Variants in LRP12 observed in about 807,000 individuals in gnomAD.
The protein encoded by LRP12 is LDL receptor related protein 12.
In LRP12, 14 loss-of-function variants were observed where a neutral mutation model predicts 66.0. That is an observed-to-expected ratio of 0.21 (90% CI 0.14 to 0.33). The LOEUF (loss-of-function observed/expected upper bound fraction) is 0.33. Ranked by LOEUF, LRP12 falls within the 10% of genes least tolerant of loss-of-function variation. The pLI, the probability that LRP12 is intolerant of heterozygous loss-of-function variation, is 1.00. For synonymous variants in LRP12, 357 were observed against 359.1 expected (o/e 0.99, Z 0.07); for missense variants, 889 against 1,053.4 (o/e 0.84, Z 2.16).
Position 104,588,827 on chromosome 8 carries a change from C to G in LRP12, c.71G>C (p.Gly24Ala), listed in dbSNP as rs1342668049. 4 of 1,612,584 alleles carry G rather than the reference C, an allele frequency of 2.5e-6. No individual in the cohort carries two copies. The Admixed American group carries it at 6.7e-5, about 27-fold the overall frequency. The change falls in exon 1 of 7, where the codon GGG (glycine) becomes GCG (alanine). Residue 24 changes from glycine to alanine, a missense_variant. By Grantham distance (60) the Gly-to-Ala change is moderately conservative. Transcript: ENST00000276654. ...RSALLLLFLAGVYGNGALAEH... is the reference protein window; with the variant it reads ...RSALLLLFLAAVYGNGALAEH... The stretch of plus-strand genomic sequence containing the variant: ...GGGACGCGGACACTTACCGTACACC[C>G]CAGCGAGGAAAAGCAAGAGCAACGC...
At chr8:104,529,416 A>C (rs554803075) in intron 2 of LRP12, among the ~76,000 whole-genome samples, 4 of 152,302 alleles carry the variant, frequency 2.6e-5, no homozygotes, top group Admixed American at 1.3e-4. Context: ...CATATTTCTA[A>C]ATGTGTATCT....
chr8:104,502,203 A>G (rs775530208), intron 3 of LRP12, among the ~76,000 whole-genome samples: 2 of 152,120 alleles, frequency 1.3e-5, no homozygotes, highest in Non-Finnish European at 2.9e-5. Context: ...CTTTACTTGT[A>G]AAGTATGACA....
intron 2 of LRP12, among the ~76,000 whole-genome samples, chr8:104,514,144 C>T (rs1811040086): frequency 6.6e-6 from 1 of 152,216 alleles, no homozygotes; most frequent in East Asian, 1.9e-4. Flanking sequence ...AGCCTGCCTT[C>T]ACCACTTCTT....
chr8:104,499,464 T>A lies in LRP12; in HGVS notation c.328A>T (p.Ile110Leu), dbSNP rs1319086854. Residue 110 changes from isoleucine to leucine, a missense_variant, in exon 4 of 7, where the codon ATA (isoleucine) becomes TTA (leucine). Coordinates refer to ENST00000276654, the MANE Select transcript of LRP12 (RefSeq NM_013437.5). ...SRRCNLDWLT[I>L]ETYKNIESYR... is the part of the protein sequence containing the mutation. ...CTTTCAATATTCTTGTATGTTTCTA[T>A]TGTCAACCAGTCCAAATTGCACCTT... is the stretch of plus-strand genomic sequence containing the variant. 1 of 1,613,658 alleles carries A rather than the reference T, an allele frequency of 6.2e-7. No individual in the cohort carries two copies. The highest frequency in any genetic ancestry group is 1.3e-5 in the African/African-American group (1 of 74,886).
At position 104,497,935 on chromosome 8, in the gene LRP12, G is replaced by T; in HGVS notation, c.617C>A (p.Pro206His). Residue 206 changes from proline (P) to histidine (H), a missense_variant, in exon 5 of 7, where the codon CCT becomes CAT. This residue lies in a region of LRP12 where 800 missense variants were observed against 964.5 expected (regional missense o/e 0.83). Coordinates refer to ENST00000276654, the MANE Select transcript of LRP12 (RefSeq NM_013437.5). The surrounding 1 kb of genome is among the most constrained non-coding windows in gnomAD (Gnocchi z 4.3). ...DEEICAKEANPPTAAAFQPCA... is the reference protein window; with the variant it reads ...DEEICAKEANHPTAAAFQPCA... ...GGGTTGAAAAGCAGCAGCAGTTGGA[G>T]GATTTGCTTCTTTGGCACAGATCTC... is the stretch of plus-strand genomic sequence containing the variant. 1 of 1,614,142 alleles carries T rather than the reference G, an allele frequency of 6.2e-7. No individual in the cohort carries two copies. Among genetic ancestry groups the T allele is most frequent in the Non-Finnish European group, 8.5e-7 (1 of 1,180,028 alleles).
chr8:104,548,356 A>C, intron 1 of LRP12, among the ~76,000 whole-genome samples: 1 of 56,628 alleles, frequency 1.8e-5, no homozygotes, highest in African/African-American at 1.0e-4. Flanking sequence ...AATATATAAT[A>C]TATATTATAT....
intron 1 of LRP12, among the ~76,000 whole-genome samples, chr8:104,550,279 T>G (rs1386764253): frequency 1.3e-5 from 2 of 152,194 alleles, no homozygotes; most frequent in Admixed American, 6.5e-5. Flanking sequence ...TAAGCAAATT[T>G]GTCTAGCTCA....
intron 1 of LRP12, among the ~76,000 whole-genome samples, chr8:104,581,251 T>TA (rs1812244846): frequency 6.6e-6 from 1 of 151,824 alleles, no homozygotes; most frequent in Admixed American, 6.6e-5. Context: ...CATGGACACA[T>TA]AGAGGAAGGG....
At chr8:104,523,764 C>T (rs952530986) in intron 2 of LRP12, among the ~76,000 whole-genome samples, 2 of 152,080 alleles carry the variant, frequency 1.3e-5, no homozygotes, top group East Asian at 1.9e-4. Context: ...AAGAAAAAGC[C>T]GAATTGCTTG....
intron 1 of LRP12, among the ~76,000 whole-genome samples, chr8:104,574,819 C>CT (rs921072774): frequency 6.9e-4 from 105 of 151,942 alleles, no homozygotes; most frequent in African/African-American, 1.5e-3. Flanking sequence ...TCACCTGTTT[C>CT]TTTTTTTTAA....
At chr8:104,546,606 G>C (rs1811561436) in intron 1 of LRP12, among the ~76,000 whole-genome samples, 1 of 152,004 alleles carries the variant, frequency 6.6e-6, no homozygotes, top group Admixed American at 6.6e-5. Context: ...CAGCTAGTAA[G>C]TGGCAGAGAC....
At chr8:104,570,862 A>T (rs1241816910) in intron 1 of LRP12, among the ~76,000 whole-genome samples, 1 of 152,186 alleles carries the variant, frequency 6.6e-6, no homozygotes, top group Admixed American at 6.5e-5. Flanking sequence ...GGAAAAATAT[A>T]TAAGAACTCC....
chr8:104,514,644 C>G (rs1038254879), intron 2 of LRP12, among the ~76,000 whole-genome samples: 4 of 151,770 alleles, frequency 2.6e-5, no homozygotes, highest in African/African-American at 9.7e-5. Flanking sequence ...GCCACTGACT[C>G]CAGCCTGGGC....
At chr8:104,521,839 A>G (rs1224825945) in intron 2 of LRP12, among the ~76,000 whole-genome samples, 3 of 151,976 alleles carry the variant, frequency 2.0e-5, no homozygotes, top group African/African-American at 4.8e-5. Context: ...AACTAGTGAA[A>G]TTCTTCTCAG....
At chr8:104,499,105 A>G (rs528158281) in intron 4 of LRP12, among the ~76,000 whole-genome samples, 4 of 152,210 alleles carry the variant, frequency 2.6e-5, no homozygotes, top group Non-Finnish European at 5.9e-5. Context: ...TAACCTTAGT[A>G]TATGAAGTTA....
intron 1 of LRP12, among the ~76,000 whole-genome samples, chr8:104,539,874 TA>T (rs1811449028): frequency 1.3e-5 from 2 of 152,130 alleles, no homozygotes; most frequent in South Asian, 4.1e-4. Flanking sequence ...TTTGTGAAGA[TA>T]TATATGCAGA....
chr8:104,495,250 G>A, intron 5 of LRP12, 41 bp from the exon 6 acceptor site: 2 of 1,587,062 alleles, frequency 1.3e-6, no homozygotes, highest in Non-Finnish European at 1.7e-6. Context: ...AAAAGGGGGA[G>A]CGAAGAAAAA....
chr8:104,529,427 G>GAA (rs759613603), intron 2 of LRP12, among the ~76,000 whole-genome samples: 6 of 152,022 alleles, frequency 3.9e-5, no homozygotes, highest in Non-Finnish European at 8.8e-5. Context: ...ATGTGTATCT[G>GAA]AAATTCAGAA....
intron 1 of LRP12, among the ~76,000 whole-genome samples, chr8:104,561,339 T>G (rs533518022): frequency 1.4e-3 from 213 of 152,158 alleles, no homozygotes; most frequent in Non-Finnish European, 2.8e-3. Context: ...CTTACCCTAC[T>G]TTTCATAAGA....
Sources: allele counts gnomAD v4.1 joint callset (sites outside exome capture counted in the v4.1 genomes callset), GRCh38; gene constraint gnomAD v4.1.1; regional missense constraint gnomAD v4.1.1; non-coding constraint Gnocchi (gnomAD v3.1); transcripts MANE v1.5; gene names NCBI Gene and HGNC (gene_info 2026-07-23, HGNC 2026-07-21).